Variants in APC observed in about 807,000 individuals in gnomAD.
APC encodes APC regulator of Wnt signaling pathway.
A neutral mutation model predicts 247.0 loss-of-function variants in APC; 72 were observed. The ratio of observed to expected loss-of-function variants is 0.29; its 90% confidence interval spans 0.24 to 0.35. The LOEUF (loss-of-function observed/expected upper bound fraction) is 0.35, where lower values mean the gene tolerates loss of function less well. Among genes scored for constraint, APC ranks in the 10% least tolerant of loss-of-function variants. The pLI is 1.00. For synonymous variants in APC, 1,254 were observed against 1,162.5 expected (o/e 1.08, Z -1.60); for missense variants, 3,400 against 3,360.7 (o/e 1.01, Z -0.29).
intron 1 of APC, among the ~76,000 whole-genome samples, chr5:112,753,564 A>AT (rs1308488094): frequency 6.6e-6 from 1 of 152,088 alleles, no homozygotes; most frequent in African/African-American, 2.4e-5. Context: ...ACAAGACTCA[A>AT]TTTTTTTCAA....
At chr5:112,783,765 CAAAAAA>C (rs77929348) in intron 6 of APC, 597 of 197,040 alleles carry the variant, frequency 3.0e-3, no homozygotes, top group Middle Eastern at 5.7e-3. Context: ...CCACTGCACT[CAAAAAA>C]AAAAAAAAAA....
In APC at chr5:112,845,451, G is replaced by A; in HGVS notation, c.*1325G>A. On this transcript the variant is annotated 3_prime_UTR_variant, in exon 16 of 16. Transcript: ENST00000257430. ...AACTGTCTTGCCCCTTCATCTTCTT[G>A]TTGCAACTGGGTCTGACATGAACAC... 4.3e-6 allele frequency: 1 copy of A among 233,132 alleles called. No homozygotes were observed. Among genetic ancestry groups the A allele is most frequent in the South Asian group, 1.8e-4 (1 of 5,522 alleles). The allele number at this position is 233,132 out of a possible 1,614,324, so 14.4% of individuals were successfully genotyped here.
At position 112,813,874 on chromosome 5, in the gene APC, A is replaced by G. The variant is rs189202572; in HGVS notation, c.835-1621A>G. Among the ~76,000 whole-genome samples the G allele has an allele frequency of 4.6e-5, 7 of 152,332 alleles. No individual in the cohort carries two copies. In the East Asian group the frequency reaches 9.6e-4, roughly 21 times the overall value. ...TGTACCCTCTAGAGTAGGAGGTGCC[A>G]TCTCACAGTCCTCAAAACCTATTAC... On this transcript the variant is annotated intron_variant, in intron 8 of 15. Coordinates refer to ENST00000257430, the MANE Select transcript of APC (RefSeq NM_000038.6).
chr5:112,777,754 C>G (rs1757822016), intron 5 of APC: 1 of 253,138 alleles, frequency 4.0e-6, no homozygotes, highest in Non-Finnish European at 8.5e-6. Flanking sequence ...TCTGCCTAAT[C>G]TGAATCCTTC....
At position 112,838,811 on chromosome 5, in the gene APC, A is replaced by G. The variant is rs1765367124; in HGVS notation, c.3217A>G (p.Thr1073Ala). Reference protein sequence around the residue: ...SEQRQSRNQSTTYPVYTESTD... With the variant: ...SEQRQSRNQSATYPVYTESTD... ...GCAAAGACAATCAAGGAATCAAAGTACAACTTATCCTGTTTATACTGAGAG... is the reference window on the plus strand; with the variant it reads ...GCAAAGACAATCAAGGAATCAAAGTGCAACTTATCCTGTTTATACTGAGAG... Residue 1073 changes from threonine (T) to alanine (A), a missense_variant, in exon 16 of 16, where the codon ACA (threonine) becomes GCA (alanine). Physicochemically the swap from Thr to Ala is moderately conservative, Grantham distance 58. This residue lies in a region of APC where 715 missense variants were observed against 656.6 expected (regional missense o/e 1.09). Transcript: ENST00000257430. 1 of 1,614,066 alleles carries G rather than the reference A, an allele frequency of 6.2e-7. No individual in the cohort carries two copies. The highest frequency in any genetic ancestry group is 1.3e-5 in the African/African-American group (1 of 74,952).
At chr5:112,728,855 T>A (rs1343557546) in intron 1 of APC, among the ~76,000 whole-genome samples, 1 of 152,198 alleles carries the variant, frequency 6.6e-6, no homozygotes, top group Non-Finnish European at 1.5e-5. Flanking sequence ...GTGGATCTTG[T>A]TCTAATTATA....
At position 112,844,283 on chromosome 5, in the gene APC, A is replaced by T; in HGVS notation, c.*157A>T. On this transcript the variant is annotated 3_prime_UTR_variant, in exon 16 of 16. Transcript: ENST00000257430. ...TTCTGGAAGCCATATTTGATAGTAT[A>T]CTTTGTCTTCACTGGTCTTATTTTG... 1 of 710,042 alleles carries T rather than the reference A, an allele frequency of 1.4e-6. No homozygotes were observed. The highest frequency in any genetic ancestry group is 2.3e-6 in the Non-Finnish European group (1 of 441,346). The allele number at this position is 710,042 out of a possible 1,614,324, so 44.0% of individuals were successfully genotyped here.
At chr5:112,795,887 G>A (rs969888481) in intron 7 of APC, among the ~76,000 whole-genome samples, 2 of 152,140 alleles carry the variant, frequency 1.3e-5, no homozygotes, top group African/African-American at 4.8e-5. Flanking sequence ...AAACTACAGA[G>A]TAAAGATGAA....
Position 112,844,971 on chromosome 5 carries a change from G to A in APC, c.*845G>A. ...GAACATTTCAGAATAAATTATTGCT[G>A]TATGTAAACTGTTACTGAAATTGGT... On this transcript the variant is annotated 3_prime_UTR_variant, in exon 16 of 16. Transcript: ENST00000257430. 4.3e-6 allele frequency: 1 copy of A among 232,428 alleles called. No individual in the cohort carries two copies. The highest frequency in any genetic ancestry group is 1.3e-3 in the Middle Eastern group (1 of 778). The allele number at this position is 232,428 out of a possible 1,614,324, so 14.4% of individuals were successfully genotyped here. A position where few individuals can be genotyped will look rare whatever the true frequency, so the allele number is the denominator to read the frequency against.
At chr5:112,829,363 C>G (rs571933118) in intron 14 of APC, 1 of 204,554 alleles carries the variant, frequency 4.9e-6, no homozygotes, top group Non-Finnish European at 1.0e-5. Flanking sequence ...TCGAACTACT[C>G]CTGACTTTGT....
Position 112,750,271 on chromosome 5 carries a change from T to G in APC, c.-18-4602T>G, listed in dbSNP as rs180921637. On this transcript the variant is annotated intron_variant, in intron 1 of 15. Coordinates refer to ENST00000257430, the MANE Select transcript of APC (RefSeq NM_000038.6). ...AGCCACCGCCACCTGGCCAATGCTT[T>G]GCTTTTCAAACTCTTCAAAGGGTAT... 6.1e-3 allele frequency among the ~76,000 whole-genome samples: 925 copies of G among 152,316 alleles called. 7 individuals carry two copies. Among genetic ancestry groups the G allele is most frequent in the Middle Eastern group, 0.01 (3 of 294 alleles).
intron 14 of APC, 120 bp downstream of exon 14, chr5:112,829,092 T>C (rs1764046037): frequency 1.4e-6 from 1 of 724,818 alleles, no homozygotes; most frequent in Non-Finnish European, 2.4e-6. Flanking sequence ...TACTATAATA[T>C]GAATTTCATG....
intron 1 of APC, among the ~76,000 whole-genome samples, chr5:112,752,113 G>C (rs944800221): frequency 1.3e-4 from 19 of 151,774 alleles, no homozygotes; most frequent in Admixed American, 9.2e-4. Context: ...AAATTATTTT[G>C]GGTTTTCAAA....
chr5:112,802,216 ATTAG>A (rs1020018769), intron 8 of APC, among the ~76,000 whole-genome samples: 36 of 152,218 alleles, frequency 2.4e-4, no homozygotes, highest in African/African-American at 7.7e-4. Flanking sequence ...ATATGCTTCT[ATTAG>A]TTCATTAAAA....
At chr5:112,785,414 G>T (rs1023837403) in intron 6 of APC, among the ~76,000 whole-genome samples, 1 of 152,128 alleles carries the variant, frequency 6.6e-6, no homozygotes, top group Non-Finnish European at 1.5e-5. Flanking sequence ...CCTGTTCACA[G>T]TAACAGGAAA....
At chr5:112,747,683 A>G (rs1753847694) in intron 1 of APC, among the ~76,000 whole-genome samples, 1 of 152,230 alleles carries the variant, frequency 6.6e-6, no homozygotes, top group Admixed American at 6.5e-5. Context: ...AGTAAGAGAC[A>G]TTCAAATTGA....
intron 8 of APC, among the ~76,000 whole-genome samples, chr5:112,807,868 T>C (rs1407541476): frequency 6.6e-6 from 1 of 152,134 alleles, no homozygotes; most frequent in Non-Finnish European, 1.5e-5. Flanking sequence ...TAAAAATACA[T>C]AACTGGCCAG....
At chr5:112,744,753 G>T (rs549919274) in intron 1 of APC, among the ~76,000 whole-genome samples, 1 of 152,282 alleles carries the variant, frequency 6.6e-6, no homozygotes, top group East Asian at 1.9e-4. Flanking sequence ...CTTGAGGAAG[G>T]TTATCTTGGA....
intron 8 of APC, among the ~76,000 whole-genome samples, chr5:112,802,209 T>C (rs1346317535): frequency 6.6e-6 from 1 of 152,144 alleles, no homozygotes; most frequent in Non-Finnish European, 1.5e-5. Flanking sequence ...TTTAAGAATA[T>C]GCTTCTATTA....
Sources: allele counts gnomAD v4.1 joint callset (sites outside exome capture counted in the v4.1 genomes callset), GRCh38; gene constraint gnomAD v4.1.1; regional missense constraint gnomAD v4.1.1; transcripts MANE v1.5; gene names NCBI Gene and HGNC (gene_info 2026-07-23, HGNC 2026-07-21).